MYOZ2: variants seen among roughly 807,000 people sequenced by gnomAD.
MYOZ2 encodes myozenin 2, also known as myozenin-2.
Under a neutral mutation model 25.4 loss-of-function variants are expected in MYOZ2, and 19 were observed. That is an observed-to-expected ratio of 0.75 (90% confidence interval 0.52 to 1.10). MYOZ2 has a LOEUF of 1.10. Among genes scored for constraint, MYOZ2 ranks in the 50% least tolerant of loss-of-function variants. The pLI is 0.00. For missense variants in MYOZ2, 270 were observed against 317.9 expected, an observed-to-expected ratio of 0.85 and a Z score of 1.15; for synonymous variants, 92 against 106.9, an observed-to-expected ratio of 0.86 and a Z score of 0.86.
At chr4:119,182,867 A>G (rs1578372771) in intron 5 of MYOZ2, among the ~76,000 whole-genome samples, 1 of 152,334 alleles carries the variant, frequency 6.6e-6, no homozygotes. Context: ...ATGAAATTGA[A>G]TATGACTTTC....
Position 119,187,172 on chromosome 4 carries a change from A to G in MYOZ2, c.*972A>G, listed in dbSNP as rs1742311817. On this transcript the variant is annotated 3_prime_UTR_variant, in exon 6 of 6. Coordinates refer to ENST00000307128, the MANE Select transcript of MYOZ2 (RefSeq NM_016599.5). ...TGAAAGTATCTGAAAGCAATGTAGCACATATCTATCGTAATATATGTAATA... is the reference window on the plus strand; with the variant it reads ...TGAAAGTATCTGAAAGCAATGTAGCGCATATCTATCGTAATATATGTAATA... 6.6e-6 allele frequency: 1 copy of G among 152,228 alleles called. No homozygotes were observed. The highest frequency in any genetic ancestry group is 2.1e-4 in the South Asian group (1 of 4,836). The allele number at this position is 152,228 out of a possible 1,614,324, so 9.4% of individuals were successfully genotyped here. A position where few individuals can be genotyped will look rare whatever the true frequency, so the allele number is the denominator to read the frequency against.
intron 5 of MYOZ2, among the ~76,000 whole-genome samples, chr4:119,179,347 T>C (rs1742141671): frequency 6.6e-6 from 1 of 152,332 alleles, no homozygotes; most frequent in Admixed American, 6.5e-5. Flanking sequence ...CCTTCACATC[T>C]TTCAGAGTTT....
intron 3 of MYOZ2, among the ~76,000 whole-genome samples, chr4:119,156,306 G>T (rs772861094): frequency 1.3e-5 from 2 of 151,358 alleles, no homozygotes; most frequent in South Asian, 2.1e-4. Context: ...GGGGAATCTT[G>T]ATCTATGATC....
At chr4:119,165,429 G>A (rs1331735044) in intron 5 of MYOZ2, among the ~76,000 whole-genome samples, 1 of 151,746 alleles carries the variant, frequency 6.6e-6, no homozygotes, top group Non-Finnish European at 1.5e-5. Context: ...GAGGATCACT[G>A]GAGCCCAGGA....
At position 119,186,323 on chromosome 4, in the gene MYOZ2, C is replaced by T. The variant is rs1204592798; in HGVS notation, c.*123C>T. ...CAACAATAGCAATTTAGTGATTTTC[C>T]TTTTCTGACATTCAATTTCAATCTC... On this transcript the variant is annotated 3_prime_UTR_variant, in exon 6 of 6. Coordinates refer to ENST00000307128, the MANE Select transcript of MYOZ2 (RefSeq NM_016599.5). The T allele has an allele frequency of 1.4e-6, 1 of 729,452 alleles. No homozygotes were observed. The highest frequency in any genetic ancestry group is 1.8e-5 in the African/African-American group (1 of 56,144). 45.2% of individuals were successfully genotyped at this position (729,452 alleles called of 1,614,324 possible).
chr4:119,171,933 T>C (rs930993718), intron 5 of MYOZ2, among the ~76,000 whole-genome samples: 1 of 151,936 alleles, frequency 6.6e-6, no homozygotes. Context: ...TAAAATAATA[T>C]TGTTTGGTAG....
In MYOZ2 at chr4:119,186,367, C is replaced by T. The variant is rs79431637; in HGVS notation, c.*167C>T. Reference sequence around the variant, plus strand: ...CAATCTCAGATCAAATACTAATAAACAATTAGAAATCTTACTTTAAAAAAC... The same window carrying T: ...CAATCTCAGATCAAATACTAATAAATAATTAGAAATCTTACTTTAAAAAAC... On this transcript the variant is annotated 3_prime_UTR_variant, in exon 6 of 6. Coordinates refer to ENST00000307128, the MANE Select transcript of MYOZ2 (RefSeq NM_016599.5). 28,578 of 601,064 alleles carry T rather than the reference C, an allele frequency of 0.048. 795 individuals are homozygous for T. Among genetic ancestry groups the T allele is most frequent in the South Asian group, 0.079 (3,627 of 45,854 alleles). 37.2% of individuals were successfully genotyped at this position (601,064 alleles called of 1,614,324 possible).
intron 2 of MYOZ2, among the ~76,000 whole-genome samples, chr4:119,146,647 G>A (rs1741307658): frequency 6.6e-6 from 1 of 151,958 alleles, no homozygotes; most frequent in African/African-American, 2.4e-5. Context: ...CCCAGGATAT[G>A]GTCTATCTTG....
At chr4:119,167,884 A>C (rs1416086667) in intron 5 of MYOZ2, among the ~76,000 whole-genome samples, 1 of 152,260 alleles carries the variant, frequency 6.6e-6, no homozygotes, top group Non-Finnish European at 1.5e-5. Flanking sequence ...TTGCTCAGAA[A>C]AGAATATTCT....
chr4:119,182,105 G>T (rs1413027353), intron 5 of MYOZ2, among the ~76,000 whole-genome samples: 1 of 152,168 alleles, frequency 6.6e-6, no homozygotes, highest in Non-Finnish European at 1.5e-5. Flanking sequence ...AAAGAGGAAA[G>T]TGTCAAATTA....
At chr4:119,150,008 C>T (rs1398081314) in intron 2 of MYOZ2, among the ~76,000 whole-genome samples, 1 of 151,980 alleles carries the variant, frequency 6.6e-6, no homozygotes, top group Non-Finnish European at 1.5e-5. Context: ...ATGCATTTAA[C>T]GGTAGTCAAC....
chr4:119,158,450 G>C (rs1409381536), intron 4 of MYOZ2, among the ~76,000 whole-genome samples: 1 of 151,996 alleles, frequency 6.6e-6, no homozygotes, highest in Non-Finnish European at 1.5e-5. Flanking sequence ...CAGCTACTTG[G>C]GGGGCTGGGG....
intron 5 of MYOZ2, among the ~76,000 whole-genome samples, chr4:119,176,795 T>A (rs1257685861): frequency 2.6e-5 from 4 of 152,232 alleles, no homozygotes; most frequent in African/African-American, 4.8e-5. Flanking sequence ...AACTAATTTA[T>A]TGAGTGAGTA....
chr4:119,172,898 C>T (rs1441073919), intron 5 of MYOZ2, among the ~76,000 whole-genome samples: 1 of 152,170 alleles, frequency 6.6e-6, no homozygotes, highest in Non-Finnish European at 1.5e-5. Flanking sequence ...TATAATTTTG[C>T]AAAGGCAGTT....
intron 5 of MYOZ2, among the ~76,000 whole-genome samples, chr4:119,173,335 G>A (rs531225238): frequency 3.9e-5 from 6 of 152,262 alleles, no homozygotes; most frequent in African/African-American, 1.4e-4. Flanking sequence ...AGATGCACAG[G>A]TATTTTTCAG....
intron 3 of MYOZ2, among the ~76,000 whole-genome samples, chr4:119,156,464 G>A (rs1164017325): frequency 6.6e-6 from 1 of 152,056 alleles, no homozygotes; most frequent in Non-Finnish European, 1.5e-5. Context: ...GCAATAAAGT[G>A]TGAACATGAT....
At chr4:119,172,817 A>G (rs994125985) in intron 5 of MYOZ2, among the ~76,000 whole-genome samples, 1 of 152,224 alleles carries the variant, frequency 6.6e-6, no homozygotes, top group Non-Finnish European at 1.5e-5. Context: ...TAGGAAAGGA[A>G]GAGGAACAGC....
intron 5 of MYOZ2, among the ~76,000 whole-genome samples, chr4:119,166,778 T>A (rs1044879604): frequency 2.6e-5 from 4 of 152,196 alleles, no homozygotes; most frequent in African/African-American, 9.7e-5. Flanking sequence ...TCTGATTTCA[T>A]TATTATTATA....
chr4:119,181,063 C>G (rs1332558778), intron 5 of MYOZ2, among the ~76,000 whole-genome samples: 1 of 152,132 alleles, frequency 6.6e-6, no homozygotes, highest in Non-Finnish European at 1.5e-5. Context: ...AGTCTTTTCT[C>G]CACAACACCT....
Sources: gnomAD v4.1 joint callset for allele counts (sites outside exome capture counted in the v4.1 genomes callset) on GRCh38, gnomAD v4.1.1 for gene constraint, MANE v1.5 for transcripts, NCBI Gene and HGNC (gene_info 2026-07-23, HGNC 2026-07-21) for gene names.